The following ZNF48 variants were observed in gnomAD, a reference collection of about 807,000 sequenced individuals.
The protein encoded by ZNF48 is zinc finger protein 48, also known as zinc finger protein 553.
A neutral mutation model predicts 40.0 loss-of-function variants in ZNF48; 20 were observed. The observed-to-expected ratio is 0.50, with a 90% CI of 0.35 to 0.73. The LOEUF (loss-of-function observed/expected upper bound fraction) is 0.73. ZNF48 is among the 30% of genes least tolerant of loss of function. The pLI, the probability that ZNF48 is intolerant of heterozygous loss-of-function variation, is 0.01. For missense variants in ZNF48, 726 were observed against 851.9 expected (o/e 0.85, Z 1.84); for synonymous variants, 298 against 329.7 (o/e 0.90, Z 1.04).
At chr16:30,389,212 T>G (rs2049923331) in intron 1 of ZNF48, among the ~76,000 whole-genome samples, 1 of 151,260 alleles carries the variant, frequency 6.6e-6, no homozygotes, top group Non-Finnish European at 1.5e-5. Flanking sequence ...GCTGACACGG[T>G]GAAACCCCTC....
At chr16:30,389,398 A>T (rs1311851837) in intron 1 of ZNF48, among the ~76,000 whole-genome samples, 1 of 150,562 alleles carries the variant, frequency 6.6e-6, no homozygotes, top group Non-Finnish European at 1.5e-5. Context: ...CTCAAAAAAA[A>T]AAAAAAAATA....
At chr16:30,379,907 T>A (rs756086978) in intron 1 of ZNF48, 2 of 1,323,270 alleles carry the variant, frequency 1.5e-6, no homozygotes, top group African/African-American at 2.9e-5. Flanking sequence ...GTGCCCGGCC[T>A]GCCTTCCTTC....
At chr16:30,378,710 A>G in intron 1 of ZNF48, 1 of 1,604,184 alleles carries the variant, frequency 6.2e-7, no homozygotes, top group Non-Finnish European at 8.5e-7. Flanking sequence ...ACTGCGGGAC[A>G]GTGGGAAGGG....
intron 1 of ZNF48, chr16:30,380,850 G>T (rs1397395849): frequency 8.2e-6 from 4 of 489,646 alleles, no homozygotes; most frequent in South Asian, 4.6e-5. Flanking sequence ...CACGGGGTGG[G>T]GGCCAGAGGG....
At position 30,382,350 on chromosome 16, in the gene ZNF48, C is replaced by T. The variant is rs771057178; in HGVS notation, c.-16+3940C>T. The T allele has an allele frequency of 6.2e-7, 1 of 1,612,676 alleles. No homozygotes were observed. The highest frequency in any genetic ancestry group is 1.1e-5 in the South Asian group (1 of 90,910). Reference sequence around the variant, plus strand: ...AGCTGGTTGGGGAGGGCAGCAAAACCCACGTACTCCTTGTCCTATGGATGG... The same window carrying T: ...AGCTGGTTGGGGAGGGCAGCAAAACTCACGTACTCCTTGTCCTATGGATGG... On this transcript the variant is annotated intron_variant, in intron 1 of 2. Transcript: ENST00000528032. This position sits in a 1 kb window ranked among gnomAD's most constrained non-coding sequence, Gnocchi z 4.8.
At chr16:30,385,453 C>T (rs548311141) in intron 1 of ZNF48, among the ~76,000 whole-genome samples, 53 of 151,774 alleles carry the variant, frequency 3.5e-4, no homozygotes, top group African/African-American at 1.2e-3. Flanking sequence ...GGTGAAACCC[C>T]GTCTCTACTA....
At chr16:30,395,361 C>T (rs904004462), upstream of ZNF48, 5 of 451,760 alleles carry the variant, frequency 1.1e-5, no homozygotes, top group African/African-American at 4.0e-5. This position sits in a 1 kb window ranked among gnomAD's most constrained non-coding sequence, Gnocchi z 5.9. Flanking sequence ...CCCCACAGGC[C>T]CGCAGCTCCT....
At position 30,399,189 on chromosome 16, in the gene ZNF48, G is replaced by T; in HGVS notation, c.*82G>T. The stretch of plus-strand genomic sequence containing the variant: ...GCAGAGAAGAAAGGGCCTGGGAGGT[G>T]GTGGGAGGGAGAAGGAAGGGAAGAA... On this transcript the variant is annotated 3_prime_UTR_variant, in exon 3 of 3. Transcript: ENST00000613509. 1 of 1,340,828 alleles carries T rather than the reference G, an allele frequency of 7.5e-7. No homozygotes were observed. The highest frequency in any genetic ancestry group is 1.0e-6 in the Non-Finnish European group (1 of 995,262). 83.1% of individuals were successfully genotyped at this position (1,340,828 alleles called of 1,614,324 possible). A position where few individuals can be genotyped will look rare whatever the true frequency, so the allele number is the denominator to read the frequency against.
At chr16:30,379,268 C>G (rs1347098825) in intron 1 of ZNF48, 7 of 1,547,728 alleles carry the variant, frequency 4.5e-6, no homozygotes, top group Non-Finnish European at 2.7e-6. Flanking sequence ...CAGGAAAGTC[C>G]TGCTGCCACT....
Position 30,398,191 on chromosome 16 carries a change from G to A in ZNF48, c.941G>A (p.Arg314Gln), listed in dbSNP as rs145091254. 4.2e-5 allele frequency: 68 copies of A among 1,613,700 alleles called. No individual in the cohort carries two copies. The highest frequency in any genetic ancestry group is 5.3e-5 in the Non-Finnish European group (63 of 1,179,972). ...GATGTGTGTGGAAAGGAGTTTGCCC[G>A]GGGATCCGACCTGGTGAAGCACCTG... is the stretch of plus-strand genomic sequence containing the variant. ...GCDVCGKEFA[R>Q]GSDLVKHLRV... The change falls in exon 3 of 3, where the codon CGG becomes CAG. Residue 314 changes from arginine to glutamine, a missense_variant. This residue lies in a region of ZNF48 where 378 missense variants were observed against 449.1 expected (regional missense o/e 0.84). Transcript: ENST00000613509. The surrounding 1 kb of genome is among the most constrained non-coding windows in gnomAD (Gnocchi z 6.6).
chr16:30,382,150 T>C lies in ZNF48; in HGVS notation c.-16+3740T>C. ...AGGTTGGTGAGGAAGAGGCTGTTGATGAGGGTGGATTTCCCTAGGCCTGAC... is the reference window on the plus strand; with the variant it reads ...AGGTTGGTGAGGAAGAGGCTGTTGACGAGGGTGGATTTCCCTAGGCCTGAC... On this transcript the variant is annotated intron_variant, in intron 1 of 2. Transcript: ENST00000528032. This position sits in a 1 kb window ranked among gnomAD's most constrained non-coding sequence, Gnocchi z 4.8. 1 of 1,600,312 alleles carries C rather than the reference T, an allele frequency of 6.2e-7. No homozygotes were observed. Among genetic ancestry groups the C allele is most frequent in the Non-Finnish European group, 8.5e-7 (1 of 1,173,404 alleles).
intron 1 of ZNF48, among the ~76,000 whole-genome samples, chr16:30,386,937 G>GC (rs1427638370): frequency 7.0e-6 from 1 of 143,156 alleles, no homozygotes; most frequent in East Asian, 2.0e-4. Flanking sequence ...ACTGCACCTG[G>GC]CCTTTTTTTT....
Position 30,398,518 on chromosome 16 carries a change from CT to C in ZNF48, c.1272del (p.Phe424LeufsTer44). On this transcript the variant is annotated frameshift_variant, in exon 3 of 3. Transcript: ENST00000613509. LOFTEE classifies it high-confidence loss of function. The surrounding 1 kb of genome is among the most constrained non-coding windows in gnomAD (Gnocchi z 6.6). ...CGAAGTCCCTCACACTCGGGTGAGC[CT>C]TTTGGCCTGCCTGGCTTGGAGCCAG... is the stretch of plus-strand genomic sequence containing the variant. Reference protein sequence around the residue: ...TPRSPSHSGEPFGLPGLEPEP... With the variant: ...TPRSPSHSGEXFGLPGLEPEP... The C allele has an allele frequency of 6.2e-7, 1 of 1,601,980 alleles. No homozygotes were observed. Among genetic ancestry groups the C allele is most frequent in the Non-Finnish European group, 8.5e-7 (1 of 1,174,066 alleles).
chr16:30,400,041 C>G lies in ZNF48; in HGVS notation c.*934C>G, dbSNP rs2050037336. 1 of 152,254 alleles carries G rather than the reference C, an allele frequency of 6.6e-6. No homozygotes were observed. Among genetic ancestry groups the G allele is most frequent in the Non-Finnish European group, 1.5e-5 (1 of 68,074 alleles). The allele number at this position is 152,254 out of a possible 1,614,324, so 9.4% of individuals were successfully genotyped here. ...GAGAGGGGTCTCTGCGCGCAAAACTCAGACTGTAAATTTTGTGTGCTTCCC... is the reference window on the plus strand; with the variant it reads ...GAGAGGGGTCTCTGCGCGCAAAACTGAGACTGTAAATTTTGTGTGCTTCCC... On this transcript the variant is annotated 3_prime_UTR_variant, in exon 3 of 3. Transcript: ENST00000613509.
At chr16:30,379,165 C>T in intron 1 of ZNF48, 1 of 1,614,132 alleles carries the variant, frequency 6.2e-7, no homozygotes, top group South Asian at 1.1e-5. Context: ...CAGGAAATCG[C>T]AGTGATGTGG....
rs2151111293 is a variant in ZNF48 at position 30,381,206 on chromosome 16, T to C, written c.-16+2796T>C. On this transcript the variant is annotated intron_variant, in intron 1 of 2. Coordinates refer to the ZNF48 transcript ENST00000528032. The surrounding 1 kb of genome is among the most constrained non-coding windows in gnomAD (Gnocchi z 4.3). Reference sequence around the variant, plus strand: ...GACTGGGATGATGTTGACTTTCTCGTGTACTGCCCGGAGGAAGGCCACATC... The same window carrying C: ...GACTGGGATGATGTTGACTTTCTCGCGTACTGCCCGGAGGAAGGCCACATC... The C allele has an allele frequency of 1.2e-6, 2 of 1,613,942 alleles. No homozygotes were observed. Among genetic ancestry groups the C allele is most frequent in the East Asian group, 4.5e-5 (2 of 44,878 alleles).
At chr16:30,378,730 C>A in intron 1 of ZNF48, 1 of 1,594,528 alleles carries the variant, frequency 6.3e-7, no homozygotes, top group Non-Finnish European at 8.5e-7. Flanking sequence ...GGACAGGAAT[C>A]AGGAGCGGGA....
intron 1 of ZNF48, chr16:30,379,432 C>T (rs1339467872): frequency 1.9e-6 from 3 of 1,613,008 alleles, no homozygotes; most frequent in South Asian, 1.1e-5. Flanking sequence ...TGGCCTCACT[C>T]ACCCTCCACG....
At chr16:30,379,392 G>A (rs758143945) in intron 1 of ZNF48, 18 of 1,555,968 alleles carry the variant, frequency 1.2e-5, no homozygotes, top group Non-Finnish European at 1.5e-5. Flanking sequence ...CAGAGGCCCC[G>A]GGCTCCCTGC....
Sources: gnomAD v4.1 joint callset for allele counts (sites outside exome capture counted in the v4.1 genomes callset) on GRCh38, gnomAD v4.1.1 for gene constraint, gnomAD v4.1.1 regional missense constraint, Gnocchi (gnomAD v3.1) non-coding constraint, MANE v1.5 for transcripts, NCBI Gene and HGNC (gene_info 2026-07-23, HGNC 2026-07-21) for gene names.